NUP93: variants seen among roughly 807,000 people sequenced by gnomAD.
NUP93 encodes the protein nuclear pore complex protein Nup93.
Under a neutral mutation model 107.8 loss-of-function variants are expected in NUP93, and 55 were observed. That is an observed-to-expected ratio of 0.51 (90% confidence interval 0.41 to 0.64). NUP93 has a LOEUF of 0.64. NUP93 is among the 30% of genes least tolerant of loss of function. NUP93 has a pLI of 0.00. For missense variants in NUP93, 937 were observed against 1,044.7 expected (o/e 0.90, Z 1.42); for synonymous variants, 390 against 397.5 (o/e 0.98, Z 0.22).
Position 56,848,917 on chromosome 16 carries a change from G to A in NUP93, c.*4308G>A, listed in dbSNP as rs1214638944. ...TTTTTTTGTCCAGGATCACCTAAGT[G>A]AAGTACTCGTGGTTCTAAGTTGCTA... On this transcript the variant is annotated 3_prime_UTR_variant, in exon 22 of 22. Transcript: ENST00000308159. 2.6e-5 allele frequency: 4 copies of A among 152,172 alleles called. No individual in the cohort carries two copies. The highest frequency in any genetic ancestry group is 4.4e-5 in the Non-Finnish European group (3 of 68,016). 9.4% of individuals were successfully genotyped at this position (152,172 alleles called of 1,614,324 possible).
At chr16:56,837,764 C>T in intron 18 of NUP93, 38 bp downstream of exon 18, 1 of 1,523,226 alleles carries the variant, frequency 6.6e-7, no homozygotes, top group African/African-American at 1.4e-5. Context: ...CCTGAGGGTG[C>T]CACTGCCAGT....
chr16:56,829,945 C>T (rs974281176), intron 9 of NUP93, among the ~76,000 whole-genome samples: 1 of 152,206 alleles, frequency 6.6e-6, no homozygotes, highest in Non-Finnish European at 1.5e-5. Context: ...GAAGCGTAAG[C>T]GCAGGCCGCT....
At position 56,808,153 on chromosome 16, in the gene NUP93, TAATATATAGTTATATAACTATATAA is replaced by T. The variant is rs1567398281; in HGVS notation, c.489+2560_489+2584del. Among the ~76,000 whole-genome samples the T allele has an allele frequency of 8.0e-3, 510 of 64,042 alleles. 3 individuals are homozygous for T. Among genetic ancestry groups the T allele is most frequent in the Non-Finnish European group, 0.014 (437 of 32,236 alleles). The allele number at this position is 64,042 out of a possible 152,430, so 42.0% of individuals were successfully genotyped here. A position where few individuals can be genotyped will look rare whatever the true frequency, so the allele number is the denominator to read the frequency against. On this transcript the variant is annotated intron_variant, in intron 5 of 21. Coordinates refer to ENST00000308159, the MANE Select transcript of NUP93 (RefSeq NM_014669.5). Reference sequence around the variant, plus strand: ...ATAAATATATTTATATAACTATATATAATATATAGTTATATAACTATATAAAATATATAGTTATATAACTATATAA... The same window carrying T: ...ATAAATATATTTATATAACTATATATAATATATAGTTATATAACTATATAA...
intron 1 of NUP93, among the ~76,000 whole-genome samples, chr16:56,735,763 A>C (rs1446811033): frequency 6.7e-6 from 1 of 150,142 alleles, no homozygotes; most frequent in African/African-American, 2.5e-5. Flanking sequence ...GGGAGGTGGA[A>C]GTTGCAGTGA....
intron 5 of NUP93, among the ~76,000 whole-genome samples, chr16:56,812,916 A>G (rs1212467637): frequency 1.3e-5 from 2 of 152,212 alleles, no homozygotes; most frequent in African/African-American, 4.8e-5. Flanking sequence ...GCATGACAGC[A>G]TGCAGGATTT....
intron 18 of NUP93, 62 bp from the exon 19 acceptor site, chr16:56,838,890 T>TA: frequency 8.7e-7 from 1 of 1,155,682 alleles, no homozygotes; most frequent in Non-Finnish European, 1.3e-6. Flanking sequence ...ATTCCACTGT[T>TA]ACGGATTACA....
Position 56,731,087 on chromosome 16 carries a change from A to G in NUP93, c.-15+876A>G, listed in dbSNP as rs186442751. ...TCTCCTTTGTGCATTTGTGTTTGCAATATTTTTATTTTCATTGATGGTGAT... is the reference window on the plus strand; with the variant it reads ...TCTCCTTTGTGCATTTGTGTTTGCAGTATTTTTATTTTCATTGATGGTGAT... On this transcript the variant is annotated intron_variant, in intron 1 of 21. Coordinates refer to ENST00000308159, the MANE Select transcript of NUP93 (RefSeq NM_014669.5). Among the ~76,000 whole-genome samples the G allele has an allele frequency of 1.8e-4, 27 of 151,684 alleles. No individual in the cohort carries two copies. The East Asian group carries it at 3.9e-3, about 22-fold the overall frequency.
At chr16:56,827,071 T>TAAAAAAAAAAAAAAAAAAAAAAAA (rs1567407800) in intron 8 of NUP93, among the ~76,000 whole-genome samples, 1 of 69,310 alleles carries the variant, frequency 1.4e-5, no homozygotes, top group African/African-American at 5.1e-5. Context: ...AAAAAAAAAT[T>TAAAAAAAAAAAAAAAAAAAAAAAA]TTGTTGAGTC....
intron 2 of NUP93, among the ~76,000 whole-genome samples, chr16:56,750,035 G>A (rs183798759): frequency 2.6e-5 from 4 of 152,246 alleles, no homozygotes; most frequent in Admixed American, 6.5e-5. Flanking sequence ...CTGCTGGAGC[G>A]AAAGGCCCAT....
intron 3 of NUP93, among the ~76,000 whole-genome samples, chr16:56,786,647 A>G (rs193076820): frequency 1.5e-3 from 229 of 152,356 alleles, no homozygotes; most frequent in African/African-American, 4.2e-3. Flanking sequence ...AATAAACTCT[A>G]TCTTGCAAGT....
intron 3 of NUP93, among the ~76,000 whole-genome samples, chr16:56,786,023 A>G (rs1962619883): frequency 6.6e-6 from 1 of 152,170 alleles, no homozygotes; most frequent in Admixed American, 6.5e-5. Flanking sequence ...GGTGAGGTGA[A>G]GTAGCATTCC....
chr16:56,815,899 G>C (rs3028881), intron 5 of NUP93, among the ~76,000 whole-genome samples: 5,129 of 95,882 alleles, frequency 0.053, 122 homozygotes, highest in East Asian at 0.19. Context: ...GCTGCTGCTG[G>C]TGCTGCTGCT....
intron 1 of NUP93, among the ~76,000 whole-genome samples, chr16:56,740,063 C>T (rs1172931235): frequency 1.7e-3 from 166 of 95,578 alleles, no homozygotes; most frequent in Non-Finnish European, 2.4e-3. Context: ...GGGCGGCTGG[C>T]CGGGCGGAGG....
In NUP93 at chr16:56,847,509, G is replaced by A. The variant is rs1003836975; in HGVS notation, c.*2900G>A. On this transcript the variant is annotated 3_prime_UTR_variant, in exon 22 of 22. Transcript: ENST00000308159. Reference sequence around the variant, plus strand: ...ATTGGGGGCACTTTGAGACTGTCAGGGTTTGTTCCTGTCTCAGAATGGCTC... The same window carrying A: ...ATTGGGGGCACTTTGAGACTGTCAGAGTTTGTTCCTGTCTCAGAATGGCTC... 1 of 152,112 alleles carries A rather than the reference G, an allele frequency of 6.6e-6. No homozygotes were observed. The highest frequency in any genetic ancestry group is 2.1e-4 in the South Asian group (1 of 4,826). 9.4% of individuals were successfully genotyped at this position (152,112 alleles called of 1,614,324 possible).
chr16:56,817,095 C>T (rs1306470674), intron 5 of NUP93, among the ~76,000 whole-genome samples: 2 of 152,176 alleles, frequency 1.3e-5, no homozygotes, highest in East Asian at 3.9e-4. Flanking sequence ...AGCATCTACC[C>T]AGATCAGTGA....
rs769499584 is a variant in NUP93, at chr16:56,833,208, C to G, written c.1346-7C>G. On this transcript the variant is annotated splice_polypyrimidine_tract_variant and splice_region_variant and intron_variant, in intron 12 of 21. Transcript: ENST00000308159. ...GGTTTTATCTCCTCTCCTCTCCTCTCTCCCAGGCGAGTCCCACTTTACGGT... is the reference window on the plus strand; with the variant it reads ...GGTTTTATCTCCTCTCCTCTCCTCTGTCCCAGGCGAGTCCCACTTTACGGT... 1 of 1,596,992 alleles carries G rather than the reference C, an allele frequency of 6.3e-7. No individual in the cohort carries two copies. The highest frequency in any genetic ancestry group is 8.5e-7 in the Non-Finnish European group (1 of 1,174,202).
intron 8 of NUP93, among the ~76,000 whole-genome samples, chr16:56,827,094 T>C (rs1026591584): frequency 4.1e-5 from 6 of 148,052 alleles, no homozygotes; most frequent in Non-Finnish European, 4.5e-5. Context: ...TTTCCTGTTA[T>C]TAAGATTTAG....
intron 4 of NUP93, among the ~76,000 whole-genome samples, chr16:56,802,470 GA>G (rs1357849791): frequency 6.6e-6 from 1 of 151,566 alleles, no homozygotes; most frequent in African/African-American, 2.4e-5. Flanking sequence ...TCAGTGAAAA[GA>G]AAAAAAACAG....
chr16:56,774,931 G>A (rs111726073), intron 3 of NUP93, among the ~76,000 whole-genome samples: 30,331 of 147,936 alleles, frequency 0.21, 3,307 homozygotes, highest in Middle Eastern at 0.34. Flanking sequence ...ACAGAGTCTC[G>A]CTCTGTTGCC....
Sources: allele counts gnomAD v4.1 joint callset (sites outside exome capture counted in the v4.1 genomes callset), GRCh38; gene constraint gnomAD v4.1.1; transcripts MANE v1.5; gene names NCBI Gene and HGNC (gene_info 2026-07-23, HGNC 2026-07-21).